The following DGKB variants were observed in gnomAD, a reference collection of about 807,000 sequenced individuals.
DGKB encodes diacylglycerol kinase beta.
In DGKB, 67 loss-of-function variants were observed where a neutral mutation model predicts 114.3. That is an observed-to-expected ratio of 0.59 (90% CI 0.48 to 0.72). The LOEUF (loss-of-function observed/expected upper bound fraction) is 0.72. DGKB is among the 30% of genes least tolerant of loss of function. The pLI is 0.00. For missense variants in DGKB, 907 were observed against 975.2 expected (o/e 0.93, Z 0.93); for synonymous variants, 398 against 323.1 (o/e 1.23, Z -2.49).
chr7:14,951,035 T>C (rs1202184546), intron 1 of DGKB, among the ~76,000 whole-genome samples: 2 of 151,876 alleles, frequency 1.3e-5, no homozygotes, highest in Non-Finnish European at 1.5e-5. Flanking sequence ...TTAGACAAAA[T>C]TCTACTAATC....
rs543462083 is a variant in DGKB at position 14,959,488 on chromosome 7, T to C, written c.-188+15208A>G. 2.6e-5 allele frequency among the ~76,000 whole-genome samples: 4 copies of C among 152,146 alleles called. No homozygotes were observed. In the South Asian group the frequency reaches 8.3e-4, roughly 32 times the overall value. ...TCATAATCCAGCTTCTTGAATTTAA[T>C]ATTTTTAAATTTGGGTATTTACAGC... On this transcript the variant is annotated intron_variant, in intron 1 of 4. Coordinates refer to the DGKB transcript ENST00000437998.
intron 20 of DGKB, among the ~76,000 whole-genome samples, chr7:14,536,853 A>G (rs1792591639): frequency 6.6e-6 from 1 of 151,966 alleles, no homozygotes; most frequent in South Asian, 2.1e-4. Context: ...AAAAACAACA[A>G]CAAGGCATCC....
intron 1 of DGKB, among the ~76,000 whole-genome samples, chr7:14,891,447 A>G (rs1781210864): frequency 6.6e-6 from 1 of 151,458 alleles, no homozygotes; most frequent in South Asian, 2.1e-4. Flanking sequence ...CAGAGACACA[A>G]TAGGAGTGCA....
intron 13 of DGKB, among the ~76,000 whole-genome samples, chr7:14,652,221 G>C (rs1328865630): frequency 6.6e-6 from 1 of 151,456 alleles, no homozygotes; most frequent in Non-Finnish European, 1.5e-5. Flanking sequence ...AACAAAGCTG[G>C]AGGCATCACA....
intron 1 of DGKB, among the ~76,000 whole-genome samples, chr7:14,849,900 G>C (rs1849120626): frequency 6.6e-6 from 1 of 152,088 alleles, no homozygotes; most frequent in Non-Finnish European, 1.5e-5. Context: ...ATCACATATG[G>C]GGCAAGAGTG....
chr7:14,242,112 A>G (rs530259245), intron 23 of DGKB, among the ~76,000 whole-genome samples: 2 of 152,302 alleles, frequency 1.3e-5, no homozygotes, highest in South Asian at 4.1e-4. Flanking sequence ...TGAAGAATGC[A>G]GAAACCTTAG....
At chr7:14,502,221 T>A (rs189075657) in intron 20 of DGKB, among the ~76,000 whole-genome samples, 52 of 152,124 alleles carry the variant, frequency 3.4e-4, no homozygotes, top group Admixed American at 2.4e-3. Context: ...AGCTTTCACA[T>A]AAGAAGTCCA....
intron 21 of DGKB, among the ~76,000 whole-genome samples, chr7:14,453,350 T>A (rs1057386609): frequency 6.6e-6 from 1 of 152,122 alleles, no homozygotes; most frequent in Non-Finnish European, 1.5e-5. Flanking sequence ...TTGCCTTTTC[T>A]AATAAAGAAA....
At chr7:14,933,622 T>A (rs1253447419) in intron 1 of DGKB, among the ~76,000 whole-genome samples, 2 of 152,112 alleles carry the variant, frequency 1.3e-5, no homozygotes, top group Non-Finnish European at 2.9e-5. Flanking sequence ...AATTTAAATG[T>A]TTTTTAACTT....
chr7:14,483,061 A>G (rs567955781), intron 20 of DGKB, among the ~76,000 whole-genome samples: 111 of 151,022 alleles, frequency 7.3e-4, no homozygotes, highest in Admixed American at 3.1e-3. Flanking sequence ...TCTCTGCTAT[A>G]TTAGTTTTTC....
chr7:14,865,724 C>G (rs1298235483), intron 1 of DGKB, among the ~76,000 whole-genome samples: 1 of 151,886 alleles, frequency 6.6e-6, no homozygotes, highest in Non-Finnish European at 1.5e-5. Flanking sequence ...GAGTTGAAGT[C>G]GAATTTAAAG....
chr7:14,745,558 T>C (rs972723319), intron 4 of DGKB, among the ~76,000 whole-genome samples: 1 of 152,170 alleles, frequency 6.6e-6, no homozygotes, highest in Non-Finnish European at 1.5e-5. Context: ...CCTTAACACA[T>C]GCTCAGTAGG....
intron 2 of DGKB, among the ~76,000 whole-genome samples, chr7:14,758,350 T>A (rs887528412): frequency 4.6e-5 from 7 of 152,028 alleles, no homozygotes; most frequent in African/African-American, 1.7e-4. Flanking sequence ...AAAAGAATTA[T>A]CAGTATTACA....
intron 8 of DGKB, among the ~76,000 whole-genome samples, chr7:14,695,078 G>C (rs1823578362): frequency 1.3e-5 from 2 of 152,276 alleles, no homozygotes; most frequent in South Asian, 4.1e-4. Context: ...CATTGGAACA[G>C]AGATTGGAAA....
intron 22 of DGKB, among the ~76,000 whole-genome samples, chr7:14,343,157 CCACACACACA>C (rs3067654): frequency 3.1e-4 from 41 of 132,918 alleles, no homozygotes; most frequent in Middle Eastern, 7.4e-3. Context: ...GCCTAGCTAT[CCACACACACA>C]CACACACACA....
intron 1 of DGKB, among the ~76,000 whole-genome samples, chr7:14,928,608 C>A (rs374634742): frequency 6.6e-6 from 1 of 151,906 alleles, no homozygotes; most frequent in African/African-American, 2.4e-5. Context: ...CAGTGACCTC[C>A]TGTCAAAACA....
intron 23 of DGKB, among the ~76,000 whole-genome samples, chr7:14,321,049 G>T (rs1293707012): frequency 5.3e-5 from 8 of 152,164 alleles, no homozygotes; most frequent in African/African-American, 1.9e-4. Flanking sequence ...ACAGCACTTT[G>T]GGAGGATGAG....
At chr7:14,256,608 T>C (rs1796010498) in intron 23 of DGKB, among the ~76,000 whole-genome samples, 1 of 152,134 alleles carries the variant, frequency 6.6e-6, no homozygotes, top group African/African-American at 2.4e-5. Context: ...ATTACTCAGG[T>C]TGTTATGATA....
At chr7:14,660,915 C>T (rs1049243565) in intron 13 of DGKB, among the ~76,000 whole-genome samples, 15 of 151,770 alleles carry the variant, frequency 9.9e-5, no homozygotes, top group African/African-American at 3.6e-4. Context: ...CTACAACTAT[C>T]TGATCTTTGA....
Sources: allele counts gnomAD v4.1 joint callset (sites outside exome capture counted in the v4.1 genomes callset), GRCh38; gene constraint gnomAD v4.1.1; transcripts MANE v1.5; gene names NCBI Gene and HGNC (gene_info 2026-07-23, HGNC 2026-07-21).